CNTN6: variants seen among roughly 807,000 people sequenced by gnomAD.
CNTN6 encodes contactin-6.
CNTN6 carries 137 observed loss-of-function variants against 122.8 expected under a neutral mutation model. The ratio of observed to expected loss-of-function variants is 1.12; its 90% CI spans 0.97 to 1.29. CNTN6 has a LOEUF of 1.29. Among genes scored for constraint, CNTN6 ranks in the 50% most tolerant of loss-of-function variants. CNTN6 has a pLI of 0.00. For missense variants in CNTN6, 1,634 were observed against 1,223.4 expected, an observed-to-expected ratio of 1.34 and a Z score of -5.01; for synonymous variants, 570 against 426.0, an observed-to-expected ratio of 1.34 and a Z score of -4.16.
intron 12 of CNTN6, among the ~76,000 whole-genome samples, chr3:1,371,650 G>A (rs763165634): frequency 1.3e-5 from 2 of 152,084 alleles, no homozygotes; most frequent in Non-Finnish European, 2.9e-5. Context: ...GCTAGGTCTT[G>A]TAAAAGAAAG....
At chr3:1,385,356 C>A (rs1254964030) in intron 19 of CNTN6, among the ~76,000 whole-genome samples, 1 of 146,442 alleles carries the variant, frequency 6.8e-6, no homozygotes, top group African/African-American at 2.8e-5. Flanking sequence ...TCATAAAATA[C>A]TTTATTTTGG....
At chr3:1,253,153 G>A (rs1225163248) in intron 4 of CNTN6, among the ~76,000 whole-genome samples, 1 of 152,148 alleles carries the variant, frequency 6.6e-6, no homozygotes, top group Non-Finnish European at 1.5e-5. Flanking sequence ...TCCTGTCTTA[G>A]TTTTCATCAG....
Position 1,141,198 on chromosome 3 carries a change from A to G in CNTN6, c.-82-6729A>G, listed in dbSNP as rs999303481. Among the ~76,000 whole-genome samples, 9 of 152,186 alleles carry G rather than the reference A, an allele frequency of 5.9e-5. No homozygotes were observed. In the East Asian group the frequency reaches 1.3e-3, roughly 23 times the overall value. ...GAAATCAAACTGTGGAGCTACCTGA[A>G]CAAAGTGAATTTGAGATTTTTAATT... On this transcript the variant is annotated intron_variant, in intron 1 of 22. Coordinates refer to ENST00000446702, the MANE Select transcript of CNTN6 (RefSeq NM_001289080.2).
At chr3:1,260,832 T>C (rs780553327) in intron 4 of CNTN6, among the ~76,000 whole-genome samples, 3 of 152,144 alleles carry the variant, frequency 2.0e-5, no homozygotes, top group Non-Finnish European at 4.4e-5. Flanking sequence ...CCTTCTGCCA[T>C]GACTGTAAGT....
intron 1 of CNTN6, among the ~76,000 whole-genome samples, chr3:1,115,266 A>G (rs1376834637): frequency 6.6e-6 from 1 of 152,204 alleles, no homozygotes; most frequent in Non-Finnish European, 1.5e-5. Flanking sequence ...ACAAGCCACA[A>G]TGATGAGCAC....
chr3:1,222,813 C>A (rs1166257997), intron 3 of CNTN6, among the ~76,000 whole-genome samples: 1 of 151,854 alleles, frequency 6.6e-6, no homozygotes, highest in Non-Finnish European at 1.5e-5. Context: ...AGGCACTAAC[C>A]CTGGTGCTTA....
intron 2 of CNTN6, among the ~76,000 whole-genome samples, chr3:1,204,301 G>A (rs1009120804): frequency 1.1e-4 from 17 of 152,078 alleles, no homozygotes; most frequent in African/African-American, 3.9e-4. Flanking sequence ...TTTAAAAAAC[G>A]CTTTTAGTTG....
chr3:1,166,652 C>T lies in CNTN6; in HGVS notation c.55+18589C>T, dbSNP rs537847552. Among the ~76,000 whole-genome samples, 26 of 152,120 alleles carry T rather than the reference C, an allele frequency of 1.7e-4. 1 individual carries two copies. Among genetic ancestry groups the T allele is most frequent in the South Asian group, 8.3e-4 (4 of 4,822 alleles). On this transcript the variant is annotated intron_variant, in intron 2 of 22. Coordinates refer to ENST00000446702, the MANE Select transcript of CNTN6 (RefSeq NM_001289080.2). ...TTAAGCTGATTAAGGACACAGGCTC[C>T]GCAATTAAAGACACCTGTGGCACAT...
chr3:1,402,208 A>G (rs1224458776), intron 21 of CNTN6, 110 bp from the exon 22 acceptor site: 1 of 702,872 alleles, frequency 1.4e-6, no homozygotes, highest in East Asian at 2.8e-5. Context: ...CCATCTGAGG[A>G]GTACAACATT....
rs558949648 is a variant in CNTN6, at chr3:1,395,942, A to G, written c.2705-5491A>G. ...AGACTGATGAGCATGAAATCTCTTC[A>G]TCCCACTACCACTGTGCTCCTTTAT... On this transcript the variant is annotated intron_variant, in intron 20 of 22. Coordinates refer to ENST00000446702, the MANE Select transcript of CNTN6 (RefSeq NM_001289080.2). Among the ~76,000 whole-genome samples the G allele has an allele frequency of 5.9e-5, 9 of 152,302 alleles. No individual in the cohort carries two copies. In the East Asian group the frequency reaches 1.2e-3, roughly 20 times the overall value.
At chr3:1,284,509 A>C (rs1694017428) in intron 5 of CNTN6, among the ~76,000 whole-genome samples, 1 of 152,186 alleles carries the variant, frequency 6.6e-6, no homozygotes, top group South Asian at 2.1e-4. Flanking sequence ...TAATAACCGT[A>C]TTATTGAACT....
chr3:1,323,547 T>G (rs1319698521), intron 8 of CNTN6, among the ~76,000 whole-genome samples: 1 of 151,844 alleles, frequency 6.6e-6, no homozygotes, highest in East Asian at 1.9e-4. Flanking sequence ...CAGAGTTGAA[T>G]AATAACTGAG....
intron 4 of CNTN6, among the ~76,000 whole-genome samples, chr3:1,271,211 C>T (rs1393912588): frequency 2.6e-5 from 4 of 152,134 alleles, no homozygotes; most frequent in East Asian, 3.9e-4. Flanking sequence ...AATTTTATTT[C>T]CTTTACTTAT....
chr3:1,251,823 T>G (rs1287887635), intron 4 of CNTN6, among the ~76,000 whole-genome samples: 1 of 152,122 alleles, frequency 6.6e-6, no homozygotes, highest in Non-Finnish European at 1.5e-5. Flanking sequence ...CAAACAACAT[T>G]TTCCTGACCC....
intron 20 of CNTN6, among the ~76,000 whole-genome samples, chr3:1,397,828 C>G (rs1247457712): frequency 1.3e-5 from 2 of 152,196 alleles, no homozygotes; most frequent in Admixed American, 1.3e-4. Flanking sequence ...TTTTATCTTG[C>G]ACTTATGTTC....
Position 1,383,346 on chromosome 3 carries a change from A to G in CNTN6, c.2455A>G (p.Met819Val), listed in dbSNP as rs1215619962. 8.1e-6 allele frequency: 13 copies of G among 1,614,088 alleles called. No individual in the cohort carries two copies. The highest frequency in any genetic ancestry group is 1.1e-5 in the South Asian group (1 of 91,082). The change falls in exon 19 of 23, where the codon ATG becomes GTG. Residue 819 changes from methionine (M) to valine (V), a missense_variant. Met to Val is a conservative substitution (Grantham distance 21, BLOSUM62 1). Transcript: ENST00000446702. ...TSLQSFSASE[M>V]EVSWNAIAWN... ...TCTCCAGAGTTTTTCTGCTTCTGAA[A>G]TGGAGGTTTCATGGAATGCTATTGC...
intron 2 of CNTN6, among the ~76,000 whole-genome samples, chr3:1,202,526 G>C (rs900385506): frequency 2.0e-5 from 3 of 147,962 alleles, no homozygotes; most frequent in East Asian, 2.0e-4. Flanking sequence ...GGGCGACAGA[G>C]CCAGACTCCG....
chr3:1,373,516 G>T, intron 14 of CNTN6, 88 bp from the exon 15 acceptor site: 1 of 1,280,276 alleles, frequency 7.8e-7, no homozygotes, highest in Non-Finnish European at 1.1e-6. Context: ...TACTTCCTAA[G>T]CACAACAGGT....
At position 1,304,987 on chromosome 3, in the gene CNTN6, C is replaced by CAAAAA. The variant is rs4065396; in HGVS notation, c.761+7009_761+7013dup. On this transcript the variant is annotated intron_variant, in intron 7 of 22. Transcript: ENST00000446702. ...GCCTAAAGACAGAATGAGACTCTGT[C>CAAAAA]AAAAAAAAAAAAAAAAACAAAATTC... 3.7e-4 allele frequency among the ~76,000 whole-genome samples: 38 copies of CAAAAA among 103,210 alleles called. 1 individual carries two copies. The highest frequency in any genetic ancestry group is 5.5e-4 in the Non-Finnish European group (31 of 56,324). The allele number at this position is 103,210 out of a possible 152,430, so 67.7% of individuals were successfully genotyped here.
Sources: allele counts gnomAD v4.1 joint callset (sites outside exome capture counted in the v4.1 genomes callset), GRCh38; gene constraint gnomAD v4.1.1; transcripts MANE v1.5; gene names NCBI Gene and HGNC (gene_info 2026-07-23, HGNC 2026-07-21).